Variants in PAQR5 observed in about 807,000 individuals in gnomAD.
The protein encoded by PAQR5 is membrane progestin receptor gamma.
In PAQR5, 20 loss-of-function variants were observed where a neutral mutation model predicts 34.5. That is an observed-to-expected ratio of 0.58 (90% confidence interval 0.41 to 0.84). The LOEUF (loss-of-function observed/expected upper bound fraction) is 0.84. PAQR5 is among the 40% of genes least tolerant of loss of function. The probability of loss-of-function intolerance (pLI) is 0.00; values close to 1 mark genes in which losing one functional copy is unlikely to be tolerated. For missense variants in PAQR5, 378 were observed against 412.7 expected (o/e 0.92, Z 0.73); for synonymous variants, 131 against 155.6 (o/e 0.84, Z 1.18).
Position 69,322,784 on chromosome 15 carries a change from AGAC to A in PAQR5, c.-276-14554_-276-14552del, listed in dbSNP as rs60022539. ...AAGAAGAAGAAGAGGGAGAAGAAGA[AGAC>A]GAGGAAGAAGAAGAAGAGGAAGAGG... On this transcript the variant is annotated intron_variant, in intron 1 of 8. Transcript: ENST00000395407. 5.9e-3 allele frequency among the ~76,000 whole-genome samples: 553 copies of A among 93,296 alleles called. 136 individuals carry two copies. Among genetic ancestry groups the A allele is most frequent in the African/African-American group, 0.021 (427 of 20,294 alleles). 61.2% of individuals were successfully genotyped at this position (93,296 alleles called of 152,430 possible).
At chr15:69,302,852 C>G (rs1009053665) in intron 1 of PAQR5, among the ~76,000 whole-genome samples, 2 of 152,210 alleles carry the variant, frequency 1.3e-5, no homozygotes, top group African/African-American at 2.4e-5. Context: ...CCATTCTTGA[C>G]TCCTAACAAG....
intron 2 of PAQR5, among the ~76,000 whole-genome samples, chr15:69,356,723 T>C (rs984557578): frequency 1.3e-5 from 2 of 152,178 alleles, no homozygotes; most frequent in Non-Finnish European, 2.9e-5. Context: ...CTTGTACCTG[T>C]GGAATTGTAC....
chr15:69,324,683 C>T (rs753676632), intron 1 of PAQR5, among the ~76,000 whole-genome samples: 12 of 152,108 alleles, frequency 7.9e-5, no homozygotes, highest in African/African-American at 2.2e-4. Flanking sequence ...TCATATGCAG[C>T]GCACACCAAT....
chr15:69,318,672 G>T (rs1379768771), intron 1 of PAQR5, among the ~76,000 whole-genome samples: 1 of 151,900 alleles, frequency 6.6e-6, no homozygotes, highest in Non-Finnish European at 1.5e-5. Context: ...AAGGGAGGTA[G>T]TTCAAGACCC....
At chr15:69,321,098 C>T (rs550295164) in intron 1 of PAQR5, among the ~76,000 whole-genome samples, 7 of 152,188 alleles carry the variant, frequency 4.6e-5, no homozygotes, top group South Asian at 2.1e-4. Context: ...TTCTGATGCA[C>T]GCTTCCTGTA....
chr15:69,396,882 G>T (rs2056451653), intron 6 of PAQR5: 1 of 298,898 alleles, frequency 3.3e-6, no homozygotes, highest in Non-Finnish European at 6.5e-6. Flanking sequence ...GGTTGGGTGA[G>T]GGTGGCAATG....
At chr15:69,373,037 G>T (rs2055605959) in intron 3 of PAQR5, among the ~76,000 whole-genome samples, 1 of 152,138 alleles carries the variant, frequency 6.6e-6, no homozygotes, top group Non-Finnish European at 1.5e-5. Context: ...CCTAGAGGCT[G>T]CCTGCTCTCC....
chr15:69,394,522 G>A (rs2056360362), intron 6 of PAQR5, among the ~76,000 whole-genome samples: 2 of 152,218 alleles, frequency 1.3e-5, no homozygotes, highest in Admixed American at 1.3e-4. Flanking sequence ...CTAGTTTCAA[G>A]CCCTAGTTCC....
chr15:69,300,948 C>CTTCT (rs1204219653), intron 1 of PAQR5, among the ~76,000 whole-genome samples: 90 of 3,632 alleles, frequency 0.025, 10 homozygotes, highest in South Asian at 0.12. Flanking sequence ...TCTTTCTTTC[C>CTTCT]TTCTTTCTTT....
At chr15:69,349,641 T>TA (rs1349441593) in intron 2 of PAQR5, among the ~76,000 whole-genome samples, 2 of 102,734 alleles carry the variant, frequency 1.9e-5, no homozygotes, top group Admixed American at 1.0e-4. Context: ...TTTATTTTTA[T>TA]TTTTTTTTTT....
At chr15:69,397,711 C>G (rs943432129) in intron 7 of PAQR5, 147 bp downstream of exon 7, 2 of 662,416 alleles carry the variant, frequency 3.0e-6, no homozygotes, top group African/African-American at 3.6e-5. Context: ...CCAGCCCCTC[C>G]ACACCTGTGG....
chr15:69,380,579 C>T (rs1488416107), intron 4 of PAQR5, among the ~76,000 whole-genome samples: 1 of 152,166 alleles, frequency 6.6e-6, no homozygotes, highest in Non-Finnish European at 1.5e-5. Context: ...GAGCAAAGCT[C>T]TGGGAAGCCT....
At chr15:69,341,208 C>T (rs1251261654) in intron 2 of PAQR5, among the ~76,000 whole-genome samples, 1 of 140,018 alleles carries the variant, frequency 7.1e-6, no homozygotes, top group Non-Finnish European at 1.6e-5. Flanking sequence ...GCCAGACTGT[C>T]TTTACGTAAA....
Position 69,318,582 on chromosome 15 carries a change from C to T in PAQR5, c.-276-18759C>T, listed in dbSNP as rs925677697. ...GTGGGATTGAATTTAAACTCACCTC[C>T]GTCATCCATTCTGCCTCCTTCTTCT... On this transcript the variant is annotated intron_variant, in intron 1 of 8. Transcript: ENST00000395407. Among the ~76,000 whole-genome samples the T allele has an allele frequency of 2.6e-5, 4 of 151,990 alleles. No individual in the cohort carries two copies. The East Asian group carries it at 5.9e-4, about 22-fold the overall frequency.
rs139059541 is a variant in PAQR5, at chr15:69,362,232, A to G, written c.51+2101A>G. ...TTTTCGTAAGTTAGAGGATGATGAT[A>G]TCTTTAGTGAAATGGCACTAGCTAG... is the stretch of plus-strand genomic sequence containing the variant. On this transcript the variant is annotated intron_variant, in intron 3 of 8. Transcript: ENST00000395407. 5.4e-3 allele frequency among the ~76,000 whole-genome samples: 819 copies of G among 152,304 alleles called. 7 individuals are homozygous for G. Among genetic ancestry groups the G allele is most frequent in the Admixed American group, 8.9e-3 (136 of 15,302 alleles).
chr15:69,308,867 G>A (rs12917011), intron 1 of PAQR5, among the ~76,000 whole-genome samples: 62,091 of 151,672 alleles, frequency 0.41, 12,953 homozygotes, highest in African/African-American at 0.5. Flanking sequence ...GATTAGGCAA[G>A]CAGTGGTGAA....
At chr15:69,311,813 G>A (rs1297448857) in intron 1 of PAQR5, among the ~76,000 whole-genome samples, 1 of 152,164 alleles carries the variant, frequency 6.6e-6, no homozygotes, top group African/African-American at 2.4e-5. Flanking sequence ...GGAAATGTGG[G>A]TGATACATTC....
In PAQR5 at chr15:69,332,241, C is replaced by T. The variant is rs138427875; in HGVS notation, c.-276-5100C>T. Among the ~76,000 whole-genome samples the T allele has an allele frequency of 3.3e-3, 497 of 152,270 alleles. 6 individuals are homozygous for T. The highest frequency in any genetic ancestry group is 0.011 in the African/African-American group (468 of 41,538). On this transcript the variant is annotated intron_variant, in intron 1 of 8. Transcript: ENST00000395407. ...TTCTGTAATGGAGAGAGGGGTATCACAGGATAGAATGTGGGTTTAGGACCC... is the reference window on the plus strand; with the variant it reads ...TTCTGTAATGGAGAGAGGGGTATCATAGGATAGAATGTGGGTTTAGGACCC...
chr15:69,331,132 G>A (rs962909480), intron 1 of PAQR5, among the ~76,000 whole-genome samples: 11 of 152,138 alleles, frequency 7.2e-5, no homozygotes. Context: ...CCTATGATGG[G>A]GTGTCTGTCT....
Sources: allele counts gnomAD v4.1 joint callset (sites outside exome capture counted in the v4.1 genomes callset), GRCh38; gene constraint gnomAD v4.1.1; transcripts MANE v1.5; gene names NCBI Gene and HGNC (gene_info 2026-07-23, HGNC 2026-07-21).